SH2B2: variants seen among roughly 807,000 people sequenced by gnomAD.
SH2B2 encodes SH2B adapter protein 2.
A neutral mutation model predicts 35.7 loss-of-function variants in SH2B2; 37 were observed. The observed-to-expected ratio is 1.04, with a 90% CI of 0.80 to 1.36. SH2B2 has a LOEUF of 1.36. SH2B2 is among the 40% of genes most tolerant of loss of function. SH2B2 has a pLI of 0.00. For synonymous variants in SH2B2, 383 were observed against 376.4 expected (o/e 1.02, Z -0.20); for missense variants, 852 against 817.7 (o/e 1.04, Z -0.51).
chr7:102,308,777 T>C, intron 3 of SH2B2, 38 bp from the exon 4 acceptor site: 1 of 1,506,410 alleles, frequency 6.6e-7, no homozygotes, highest in Non-Finnish European at 9.2e-7. Flanking sequence ...GCCCATCTGC[T>C]GACCGTGTTC....
At chr7:102,309,867 C>T (rs782215842) in intron 4 of SH2B2, among the ~76,000 whole-genome samples, 1 of 152,064 alleles carries the variant, frequency 6.6e-6, no homozygotes, top group Admixed American at 6.6e-5. Context: ...GAACTGGGCA[C>T]GGTGGCATGC....
At position 102,301,056 on chromosome 7, in the gene SH2B2, C is replaced by A; in HGVS notation, c.506C>A (p.Ala169Asp). The A allele has an allele frequency of 1.5e-6, 2 of 1,376,946 alleles. No homozygotes were observed. The highest frequency in any genetic ancestry group is 6.3e-5 in the East Asian group (2 of 31,890). The allele number at this position is 1,376,946 out of a possible 1,614,324, so 85.3% of individuals were successfully genotyped here. Residue 169 changes from alanine (A) to aspartate (D), a missense_variant, in exon 2 of 9, where the codon GCC becomes GAC. This residue lies in a region of SH2B2 where 294 missense variants were observed against 286.6 expected (regional missense o/e 1.03). Coordinates refer to ENST00000444095, the MANE Select transcript of SH2B2 (RefSeq NM_001359228.2). ...GACGCGGCAGCTGCCCCGCGCACCG[C>A]CGAGCCCCGCGACAAGTGGACGCGG... ...EPDAAAAPRT[A>D]EPRDKWTRRL...
intron 7 of SH2B2, among the ~76,000 whole-genome samples, chr7:102,318,538 C>T (rs782148520): frequency 3.3e-5 from 5 of 152,192 alleles, no homozygotes; most frequent in African/African-American, 9.7e-5. Flanking sequence ...TGCCCACCCC[C>T]GCATCCCAGG....
chr7:102,318,435 G>A (rs184076631), intron 7 of SH2B2, among the ~76,000 whole-genome samples: 6 of 152,254 alleles, frequency 3.9e-5, no homozygotes, highest in Admixed American at 2.0e-4. Flanking sequence ...CCCCACGCCC[G>A]GCCTATTGAC....
intron 8 of SH2B2, 38 bp from the exon 9 acceptor site, chr7:102,321,261 C>A: frequency 7.5e-7 from 1 of 1,336,642 alleles, no homozygotes; most frequent in Non-Finnish European, 9.6e-7. Context: ...GTGGCCAGCC[C>A]AGGTCCCCAC....
upstream of SH2B2, chr7:102,285,301 T>G: frequency 3.6e-6 from 5 of 1,372,700 alleles, no homozygotes; most frequent in Non-Finnish European, 5.1e-6. Context: ...CCCAGGAGGG[T>G]GGAGACCACA....
At chr7:102,315,063 C>T (rs1481559773) in intron 6 of SH2B2, among the ~76,000 whole-genome samples, 5 of 152,042 alleles carry the variant, frequency 3.3e-5, no homozygotes, top group Non-Finnish European at 7.4e-5. Flanking sequence ...GTGGTGCACA[C>T]ATGTACTCAC....
intron 1 of SH2B2, among the ~76,000 whole-genome samples, chr7:102,287,627 C>T (rs1554551094): frequency 6.6e-6 from 1 of 152,174 alleles, no homozygotes; most frequent in African/African-American, 2.4e-5. Flanking sequence ...TCCCCGGAGC[C>T]CCCGATTGCC....
At chr7:102,311,554 CTTTTT>C (rs1171961750) in intron 4 of SH2B2, among the ~76,000 whole-genome samples, 5 of 104,626 alleles carry the variant, frequency 4.8e-5, no homozygotes, top group Admixed American at 1.1e-4. Context: ...TGCAACTGGC[CTTTTT>C]TTTTTTTTTT....
At chr7:102,292,530 CAAA>C (rs34275327) in intron 1 of SH2B2, among the ~76,000 whole-genome samples, 3 of 113,042 alleles carry the variant, frequency 2.7e-5, no homozygotes, top group Admixed American at 9.1e-5. Flanking sequence ...GACTCCGTCT[CAAA>C]AAAAAAAAAA....
In SH2B2 at chr7:102,301,008, A is replaced by G. The variant is rs1793153786; in HGVS notation, c.458A>G (p.His153Arg). 4.2e-6 allele frequency: 6 copies of G among 1,420,044 alleles called. No homozygotes were observed. The highest frequency in any genetic ancestry group is 1.5e-5 in the African/African-American group (1 of 66,082). 88.0% of individuals were successfully genotyped at this position (1,420,044 alleles called of 1,614,324 possible). A position where few individuals can be genotyped will look rare whatever the true frequency, so the allele number is the denominator to read the frequency against. The change falls in exon 2 of 9, where the codon CAC becomes CGC. Residue 153 changes from histidine (H) to arginine (R), a missense_variant. Physicochemically the swap from His to Arg is conservative, Grantham distance 29 (BLOSUM62 0). Transcript: ENST00000444095. ...GTGGACGGCGTGCGCGACATGTGGC[A>G]CCGGCGCGCCTCGCCCGAGCCCGAC... ...CVVDGVRDMWHRRASPEPDAA... is the reference protein window; with the variant it reads ...CVVDGVRDMWRRRASPEPDAA...
intron 4 of SH2B2, among the ~76,000 whole-genome samples, chr7:102,311,803 G>C (rs111416236): frequency 2.0e-5 from 3 of 152,108 alleles, no homozygotes; most frequent in Non-Finnish European, 1.5e-5. Flanking sequence ...AGGGCTGGGC[G>C]TGGTGGTGCA....
intron 2 of SH2B2, among the ~76,000 whole-genome samples, chr7:102,304,541 A>G (rs1173572301): frequency 6.6e-6 from 1 of 152,206 alleles, no homozygotes; most frequent in Non-Finnish European, 1.5e-5. Flanking sequence ...CTGGAACAGC[A>G]CTTTTGGAGG....
chr7:102,292,207 G>C (rs1792698593), intron 1 of SH2B2, among the ~76,000 whole-genome samples: 2 of 152,050 alleles, frequency 1.3e-5, no homozygotes, highest in South Asian at 4.2e-4. Context: ...GGGCAACATA[G>C]TGAGACCCCC....
At chr7:102,317,646 C>G (rs549366872) in intron 7 of SH2B2, among the ~76,000 whole-genome samples, 1 of 152,200 alleles carries the variant, frequency 6.6e-6, no homozygotes. Flanking sequence ...CACCTACTGG[C>G]GGCTGAGCCC....
At chr7:102,305,869 A>G (rs1793371436) in intron 2 of SH2B2, among the ~76,000 whole-genome samples, 3 of 142,892 alleles carry the variant, frequency 2.1e-5, no homozygotes, top group Admixed American at 2.1e-4. Flanking sequence ...AGGTGACTAT[A>G]GGAGGAGGTC....
chr7:102,296,074 C>T lies in SH2B2; in HGVS notation c.-29-4448C>T, dbSNP rs544837334. 3.9e-5 allele frequency among the ~76,000 whole-genome samples: 6 copies of T among 152,262 alleles called. No individual in the cohort carries two copies. In the East Asian group the frequency reaches 9.7e-4, roughly 24 times the overall value. ...CCAAGGCAGGAGTCTCCTAGGAGACCGCTGGTTTGGAAACCTGTCCTTGAA... is the reference window on the plus strand; with the variant it reads ...CCAAGGCAGGAGTCTCCTAGGAGACTGCTGGTTTGGAAACCTGTCCTTGAA... On this transcript the variant is annotated intron_variant, in intron 1 of 8. Coordinates refer to ENST00000444095, the MANE Select transcript of SH2B2 (RefSeq NM_001359228.2).
intron 6 of SH2B2, among the ~76,000 whole-genome samples, chr7:102,315,985 C>G (rs1478365348): frequency 6.6e-6 from 1 of 151,910 alleles, no homozygotes; most frequent in Admixed American, 6.6e-5. Flanking sequence ...CTGCCCAACT[C>G]TAAAATTATT....
chr7:102,304,021 G>A (rs1279681579), intron 2 of SH2B2, among the ~76,000 whole-genome samples: 1 of 152,132 alleles, frequency 6.6e-6, no homozygotes, highest in Non-Finnish European at 1.5e-5. Flanking sequence ...TCCCATGGGA[G>A]GGCAGCTCCT....
Sources: allele counts gnomAD v4.1 joint callset (sites outside exome capture counted in the v4.1 genomes callset), GRCh38; gene constraint gnomAD v4.1.1; regional missense constraint gnomAD v4.1.1; transcripts MANE v1.5; gene names NCBI Gene and HGNC (gene_info 2026-07-23, HGNC 2026-07-21).